The following FGD4 variants were observed in gnomAD, a reference collection of about 807,000 sequenced individuals.
The protein encoded by FGD4 is FYVE, RhoGEF and PH domain-containing protein 4.
A neutral mutation model predicts 102.0 loss-of-function variants in FGD4; 42 were observed. The ratio of observed to expected loss-of-function variants is 0.41; its 90% CI spans 0.32 to 0.53. FGD4 has a LOEUF of 0.53. FGD4 is among the 20% of genes least tolerant of loss of function. The pLI, the probability that FGD4 is intolerant of heterozygous loss-of-function variation, is 0.21. For synonymous variants in FGD4, 380 were observed against 375.7 expected, an observed-to-expected ratio of 1.01 and a Z score of -0.13; for missense variants, 902 against 1,078.2, an observed-to-expected ratio of 0.84 and a Z score of 2.29.
rs1181469038 is a variant in FGD4, at chr12:32,587,187, CAAAAA to C, written c.1011+4741_1011+4745del. ...CCTGGATGACAGGGTGAGACTCTCTCAAAAAAAAAAAAAAAAAAAAAAAAATTCTG... is the reference window on the plus strand; with the variant it reads ...CCTGGATGACAGGGTGAGACTCTCTCAAAAAAAAAAAAAAAAAAAATTCTG... On this transcript the variant is annotated intron_variant, in intron 4 of 16. Transcript: ENST00000534526. Among the ~76,000 whole-genome samples the C allele has an allele frequency of 4.8e-3, 315 of 66,132 alleles. 1 individual carries two copies. The highest frequency in any genetic ancestry group is 0.014 in the African/African-American group (288 of 20,920). The allele number at this position is 66,132 out of a possible 152,430, so 43.4% of individuals were successfully genotyped here.
At chr12:32,611,072 T>C (rs1592399482) in intron 9 of FGD4, 65 bp from the exon 10 acceptor site, 2 of 1,583,548 alleles carry the variant, frequency 1.3e-6, no homozygotes, top group East Asian at 4.5e-5. Context: ...GTTAAGGTCA[T>C]AGTATTATTA....
intron 1 of FGD4, among the ~76,000 whole-genome samples, chr12:32,560,091 A>G (rs1944415282): frequency 6.6e-6 from 1 of 152,186 alleles, no homozygotes. Flanking sequence ...TCTTAGTATC[A>G]CTGTGAAAAA....
At chr12:32,428,804 CGT>C (rs772149992) in intron 1 of FGD4, among the ~76,000 whole-genome samples, 1 of 152,072 alleles carries the variant, frequency 6.6e-6, no homozygotes, top group African/African-American at 2.4e-5. Flanking sequence ...TCCTTTCTTC[CGT>C]GTGATTGATT....
intron 4 of FGD4, among the ~76,000 whole-genome samples, chr12:32,590,790 AGTG>A (rs1947410878): frequency 2.0e-5 from 3 of 152,222 alleles, no homozygotes; most frequent in Non-Finnish European, 2.9e-5. Context: ...TTCATTAAAT[AGTG>A]GTGGTTGTCA....
intron 1 of FGD4, among the ~76,000 whole-genome samples, chr12:32,501,613 C>G (rs546621806): frequency 1.3e-5 from 2 of 152,250 alleles, no homozygotes; most frequent in African/African-American, 4.8e-5. Context: ...TATGTTTGCC[C>G]AGAAATTATT....
At chr12:32,604,182 G>C (rs1948617476) in intron 7 of FGD4, among the ~76,000 whole-genome samples, 1 of 151,982 alleles carries the variant, frequency 6.6e-6, no homozygotes, top group South Asian at 2.1e-4. Context: ...TCTGGGTGTG[G>C]ACCTTTTTGT....
At chr12:32,631,648 G>A (rs1950509722) in intron 14 of FGD4, among the ~76,000 whole-genome samples, 1 of 151,958 alleles carries the variant, frequency 6.6e-6, no homozygotes, top group Admixed American at 6.6e-5. Flanking sequence ...GGGACTACAG[G>A]CGGGCTTCAC....
chr12:32,512,620 C>G (rs1210819181), intron 1 of FGD4, among the ~76,000 whole-genome samples: 1 of 152,088 alleles, frequency 6.6e-6, no homozygotes, highest in Non-Finnish European at 1.5e-5. Flanking sequence ...TTGGAAAGAC[C>G]CAGGTGGGTG....
intron 1 of FGD4, among the ~76,000 whole-genome samples, chr12:32,418,622 A>T (rs1323550773): frequency 2.0e-5 from 3 of 152,136 alleles, no homozygotes; most frequent in African/African-American, 7.2e-5. Context: ...TCACCAGCAC[A>T]CCGTGGCCAC....
intron 14 of FGD4, among the ~76,000 whole-genome samples, chr12:32,631,523 G>A (rs1395263962): frequency 1.6e-4 from 5 of 30,366 alleles, no homozygotes; most frequent in Non-Finnish European, 2.6e-4. Flanking sequence ...TTTTTTTTTT[G>A]AGGCGGAGTC....
intron 1 of FGD4, among the ~76,000 whole-genome samples, chr12:32,547,157 G>A (rs1477777413): frequency 6.6e-6 from 1 of 152,166 alleles, no homozygotes; most frequent in Non-Finnish European, 1.5e-5. Context: ...ATCAGGCAAG[G>A]CTGGGCACGG....
intron 15 of FGD4, among the ~76,000 whole-genome samples, chr12:32,637,048 C>CTTTT (rs920177828): frequency 2.2e-4 from 19 of 86,382 alleles, no homozygotes; most frequent in East Asian, 3.0e-4. Flanking sequence ...TTTTTTTCTT[C>CTTTT]TTTTTTTTTT....
At chr12:32,556,349 A>G (rs961499030) in intron 1 of FGD4, among the ~76,000 whole-genome samples, 2 of 152,172 alleles carry the variant, frequency 1.3e-5, no homozygotes, top group Non-Finnish European at 2.9e-5. Flanking sequence ...ATTCACCACT[A>G]TCATCCACAG....
In FGD4 at chr12:32,608,200, G is replaced by A. The variant is rs917346556; in HGVS notation, c.1543+105G>A. The A allele has an allele frequency of 4.6e-5, 66 of 1,444,238 alleles. No homozygotes were observed. In the African/African-American group the frequency reaches 8.4e-4, roughly 18 times the overall value. 89.5% of individuals were successfully genotyped at this position (1,444,238 alleles called of 1,614,324 possible). On this transcript the variant is annotated intron_variant, in intron 8 of 16. Coordinates refer to ENST00000534526, the MANE Select transcript of FGD4 (RefSeq NM_001370298.3). Reference sequence around the variant, plus strand: ...CATCTCACAGCTACTTTAGTCAAATGTTGCTGTTAGAAGATAATTTCATTG... The same window carrying A: ...CATCTCACAGCTACTTTAGTCAAATATTGCTGTTAGAAGATAATTTCATTG...
intron 1 of FGD4, among the ~76,000 whole-genome samples, chr12:32,535,633 T>C (rs61385986): frequency 2.1e-3 from 141 of 67,238 alleles, no homozygotes; most frequent in African/African-American, 0.012. Context: ...ACTCTAAATA[T>C]GAAATTAAAA....
Position 32,564,131 on chromosome 12 carries a change from T to G in FGD4, c.167-6T>G. On this transcript the variant is annotated splice_polypyrimidine_tract_variant and splice_region_variant and intron_variant, in intron 1 of 16. Transcript: ENST00000534526. ...TTACCTGCCCTTTCTTTCTGAACTC[T>G]TGCAGGCAGCAGTACCTGTCCAAAG... The G allele has an allele frequency of 6.5e-7, 1 of 1,534,830 alleles. No individual in the cohort carries two copies. The highest frequency in any genetic ancestry group is 8.7e-7 in the Non-Finnish European group (1 of 1,146,348).
At chr12:32,574,085 A>T (rs1945921785) in intron 2 of FGD4, among the ~76,000 whole-genome samples, 1 of 152,210 alleles carries the variant, frequency 6.6e-6, no homozygotes, top group Non-Finnish European at 1.5e-5. Context: ...CACAGTGCTT[A>T]TGAAACAGTT....
chr12:32,524,823 CAAA>C (rs58484492), intron 1 of FGD4, among the ~76,000 whole-genome samples: 18 of 126,496 alleles, frequency 1.4e-4, no homozygotes, highest in South Asian at 2.4e-4. Flanking sequence ...GACACTGTTT[CAAA>C]AAAAAAAAAA....
intron 4 of FGD4, among the ~76,000 whole-genome samples, chr12:32,593,002 T>C (rs1489976416): frequency 6.6e-6 from 1 of 152,178 alleles, no homozygotes; most frequent in Non-Finnish European, 1.5e-5. Context: ...GAAAGAAAGA[T>C]GATAGTGAGA....
Sources: gnomAD v4.1 joint callset for allele counts (sites outside exome capture counted in the v4.1 genomes callset) on GRCh38, gnomAD v4.1.1 for gene constraint, MANE v1.5 for transcripts, NCBI Gene and HGNC (gene_info 2026-07-23, HGNC 2026-07-21) for gene names.